Variants in PCDH15 observed in about 807,000 individuals in gnomAD.
PCDH15 encodes the protein protocadherin-15.
In PCDH15, 129 loss-of-function variants were observed where a neutral mutation model predicts 178.5. That is an observed-to-expected ratio of 0.72 (90% CI 0.63 to 0.84). PCDH15 has a LOEUF of 0.84. Among genes scored for constraint, PCDH15 ranks in the 40% least tolerant of loss-of-function variants. The pLI, the probability that PCDH15 is intolerant of heterozygous loss-of-function variation, is 0.00. For missense variants in PCDH15, 2,230 were observed against 2,099.9 expected, an observed-to-expected ratio of 1.06 and a Z score of -1.21; for synonymous variants, 800 against 732.0, an observed-to-expected ratio of 1.09 and a Z score of -1.50.
chr10:54,917,706 G>A (rs1354685722), intron 2 of PCDH15, among the ~76,000 whole-genome samples: 2 of 152,070 alleles, frequency 1.3e-5, no homozygotes, highest in Admixed American at 1.3e-4. Context: ...GAAGACTAGA[G>A]GTGGTCTCCA....
chr10:53,978,575 C>T (rs2090376383), intron 21 of PCDH15, among the ~76,000 whole-genome samples: 1 of 151,978 alleles, frequency 6.6e-6, no homozygotes, highest in Non-Finnish European at 1.5e-5. Flanking sequence ...AGACATTTCC[C>T]CCATTGTCAT....
chr10:54,766,830 T>A (rs941448578), intron 1 of PCDH15, among the ~76,000 whole-genome samples: 8 of 152,008 alleles, frequency 5.3e-5, no homozygotes, highest in Non-Finnish European at 1.0e-4. Context: ...CTCCAGAGGC[T>A]GAGGCAGGAG....
At chr10:54,946,965 A>G (rs1309196828) in intron 2 of PCDH15, among the ~76,000 whole-genome samples, 1 of 151,970 alleles carries the variant, frequency 6.6e-6, no homozygotes, top group African/African-American at 2.4e-5. Context: ...CTCTATTCAC[A>G]GTTACCACCA....
intron 26 of PCDH15, among the ~76,000 whole-genome samples, chr10:53,881,394 C>T (rs2080707157): frequency 6.6e-6 from 1 of 151,936 alleles, no homozygotes; most frequent in South Asian, 2.1e-4. Flanking sequence ...GGGAATTTAC[C>T]ACTACACAAT....
intron 2 of PCDH15, among the ~76,000 whole-genome samples, chr10:54,986,813 T>C (rs1056702973): frequency 2.0e-5 from 3 of 152,196 alleles, no homozygotes; most frequent in Non-Finnish European, 4.4e-5. Context: ...TCATGAAATT[T>C]TATCAGGAAA....
At chr10:55,534,206 CA>C (rs1336783398) in intron 2 of PCDH15, among the ~76,000 whole-genome samples, 5 of 151,946 alleles carry the variant, frequency 3.3e-5, no homozygotes, top group Non-Finnish European at 7.4e-5. Flanking sequence ...GCAATTGCAA[CA>C]AAAACGAAAA....
At chr10:53,952,368 C>A (rs1427229932) in intron 23 of PCDH15, among the ~76,000 whole-genome samples, 1 of 152,194 alleles carries the variant, frequency 6.6e-6, no homozygotes, top group Admixed American at 6.5e-5. Flanking sequence ...TATATGCAGG[C>A]AGGCTGTCCC....
At chr10:53,935,158 G>A (rs2085456324) in intron 25 of PCDH15, among the ~76,000 whole-genome samples, 1 of 151,380 alleles carries the variant, frequency 6.6e-6, no homozygotes, top group Admixed American at 6.6e-5. Context: ...ATAAGAAAAT[G>A]GAATGAAAAA....
intron 25 of PCDH15, among the ~76,000 whole-genome samples, chr10:53,911,497 A>G (rs2083083631): frequency 6.6e-6 from 1 of 152,218 alleles, no homozygotes; most frequent in Non-Finnish European, 1.5e-5. Context: ...AATGCCCACA[A>G]GAGAAAGCAG....
chr10:54,819,465 T>C (rs190343712), intron 3 of PCDH15, among the ~76,000 whole-genome samples: 1 of 152,136 alleles, frequency 6.6e-6, no homozygotes, highest in East Asian at 1.9e-4. Flanking sequence ...TTTTTTCTAA[T>C]TTTCTCTAGT....
chr10:55,511,337 T>C (rs569457938), intron 2 of PCDH15, among the ~76,000 whole-genome samples: 53 of 152,186 alleles, frequency 3.5e-4, no homozygotes, highest in Admixed American at 7.9e-4. Context: ...TTACCTTGTA[T>C]GTGCAAGGTA....
intron 2 of PCDH15, among the ~76,000 whole-genome samples, chr10:55,466,159 G>A (rs938006416): frequency 3.3e-5 from 5 of 151,872 alleles, no homozygotes; most frequent in Admixed American, 6.6e-5. Flanking sequence ...TTCCTAATTC[G>A]GTGAACTACA....
chr10:54,946,333 G>A (rs916619417), intron 2 of PCDH15, among the ~76,000 whole-genome samples: 11 of 151,714 alleles, frequency 7.3e-5, no homozygotes, highest in African/African-American at 2.2e-4. Flanking sequence ...TGCCCTAGTT[G>A]AAACAATGAT....
At chr10:54,134,925 G>C (rs1564503193) in intron 14 of PCDH15, among the ~76,000 whole-genome samples, 7 of 151,668 alleles carry the variant, frequency 4.6e-5, no homozygotes, top group Admixed American at 2.6e-4. Flanking sequence ...AAAATTTCAT[G>C]GTTGGGTGCG....
intron 2 of PCDH15, among the ~76,000 whole-genome samples, chr10:55,574,754 C>T (rs931134962): frequency 1.3e-5 from 2 of 151,774 alleles, no homozygotes; most frequent in Non-Finnish European, 2.9e-5. Context: ...GATTTTATGT[C>T]CCTGAGTCAA....
intron 2 of PCDH15, among the ~76,000 whole-genome samples, chr10:55,614,149 C>A (rs1404989510): frequency 4.6e-5 from 7 of 151,750 alleles, no homozygotes; most frequent in Non-Finnish European, 8.8e-5. Context: ...AACTCTTTTC[C>A]TCTTTTTTTA....
At chr10:54,297,164 G>A (rs1156592193) in intron 8 of PCDH15, among the ~76,000 whole-genome samples, 1 of 152,038 alleles carries the variant, frequency 6.6e-6, no homozygotes, top group Non-Finnish European at 1.5e-5. Context: ...GGGTTCTTGG[G>A]CAGGGGGAGA....
At chr10:55,382,920 A>G (rs1245243698) in intron 2 of PCDH15, among the ~76,000 whole-genome samples, 1 of 152,184 alleles carries the variant, frequency 6.6e-6, no homozygotes, top group Non-Finnish European at 1.5e-5. Context: ...AGCAGCATCT[A>G]TGGGTGTGTT....
intron 3 of PCDH15, among the ~76,000 whole-genome samples, chr10:54,499,065 T>C (rs957223205): frequency 6.6e-5 from 10 of 152,084 alleles, no homozygotes; most frequent in Admixed American, 3.3e-4. Context: ...TCCTCCAATA[T>C]TGGGGATTAC....
Sources: allele counts gnomAD v4.1 joint callset (sites outside exome capture counted in the v4.1 genomes callset), GRCh38; gene constraint gnomAD v4.1.1; transcripts MANE v1.5; gene names NCBI Gene and HGNC (gene_info 2026-07-23, HGNC 2026-07-21).